The following EPS15L1 variants were observed in gnomAD, a reference collection of about 807,000 sequenced individuals.
The protein encoded by EPS15L1 is epidermal growth factor receptor substrate 15-like 1.
Under a neutral mutation model 117.1 loss-of-function variants are expected in EPS15L1, and 43 were observed. That is an observed-to-expected ratio of 0.37 (90% CI 0.29 to 0.47). The LOEUF (loss-of-function observed/expected upper bound fraction) is 0.47, where lower values mean the gene tolerates loss of function less well. Ranked by LOEUF, EPS15L1 falls within the 20% of genes least tolerant of loss-of-function variation. The pLI is 0.99. For missense variants in EPS15L1, 981 were observed against 1,164.0 expected (o/e 0.84, Z 2.29); for synonymous variants, 459 against 470.5 (o/e 0.98, Z 0.32).
rs569246288 is a variant in EPS15L1 at position 16,432,567 on chromosome 19, C to CAAAT, written c.498+1794_498+1797dup. Among the ~76,000 whole-genome samples the CAAAT allele has an allele frequency of 1.5e-3, 221 of 151,256 alleles. 1 individual carries two copies. Among genetic ancestry groups the CAAAT allele is most frequent in the African/African-American group, 4.7e-3 (193 of 41,226 alleles). On this transcript the variant is annotated intron_variant, in intron 7 of 23. Coordinates refer to ENST00000455140, the MANE Select transcript of EPS15L1 (RefSeq NM_001258374.3). ...TGGGCAACAGAGCGAGACTCTGTCT[C>CAAAT]AAATAAATAAATAAATAAATAAATA...
intron 16 of EPS15L1, chr19:16,402,043 G>A: frequency 4.2e-6 from 5 of 1,189,616 alleles, no homozygotes; most frequent in Non-Finnish European, 5.2e-6. Flanking sequence ...TTGGCCCAAT[G>A]TAAATACTTC....
chr19:16,363,569 T>C (rs1288355743), intron 22 of EPS15L1, among the ~76,000 whole-genome samples: 1 of 152,222 alleles, frequency 6.6e-6, no homozygotes, highest in East Asian at 1.9e-4. Flanking sequence ...GCTCCGGGGC[T>C]ACAGCCCCCA....
chr19:16,386,074 A>G, intron 20 of EPS15L1, 97 bp downstream of exon 20: 1 of 942,220 alleles, frequency 1.1e-6, no homozygotes, highest in South Asian at 1.4e-5. Context: ...ACAAACACAG[A>G]GGCCACGCTG....
Position 16,436,926 on chromosome 19 carries a change from C to T in EPS15L1, c.372+11G>A, listed in dbSNP as rs761226639. ...GGAGAGCCAAGGAGGGAGCTATTCC[C>T]GTTCACTTACCCTCACAGCCCAGTG... On this transcript the variant is annotated intron_variant, in intron 6 of 23. Coordinates refer to ENST00000455140, the MANE Select transcript of EPS15L1 (RefSeq NM_001258374.3). 1.8e-5 allele frequency: 29 copies of T among 1,609,070 alleles called. No individual in the cohort carries two copies. Among genetic ancestry groups the T allele is most frequent in the South Asian group, 9.9e-5 (9 of 90,900 alleles).
At chr19:16,392,192 A>G (rs2092483292) in intron 19 of EPS15L1, 112 bp downstream of exon 19, 4 of 1,218,062 alleles carry the variant, frequency 3.3e-6, no homozygotes, top group African/African-American at 3.0e-5. Context: ...CATGGCCCAC[A>G]CTCGCAGGCA....
At chr19:16,431,766 G>A (rs2092930457) in intron 7 of EPS15L1, among the ~76,000 whole-genome samples, 1 of 152,164 alleles carries the variant, frequency 6.6e-6, no homozygotes, top group Admixed American at 6.5e-5. Context: ...CTGCTGGGAT[G>A]ATTACACATT....
chr19:16,403,632 A>T, intron 15 of EPS15L1, 101 bp downstream of exon 15: 1 of 1,127,224 alleles, frequency 8.9e-7, no homozygotes, highest in Non-Finnish European at 1.3e-6. Flanking sequence ...ACCCTCACGT[A>T]AGTAACAAGG....
chr19:16,396,526 C>T (rs144760922), intron 16 of EPS15L1, among the ~76,000 whole-genome samples: 2,963 of 152,244 alleles, frequency 0.019, 42 homozygotes, highest in Non-Finnish European at 0.033. Flanking sequence ...AGCCTCCCAA[C>T]GTACTGGGAT....
chr19:16,462,660 TCCAC>T, intron 1 of EPS15L1, among the ~76,000 whole-genome samples: 2 of 151,884 alleles, frequency 1.3e-5, no homozygotes, highest in Non-Finnish European at 2.9e-5. Context: ...AAAGCGGGAC[TCCAC>T]CTCAAGAAAA....
At chr19:16,396,358 C>T (rs772989043) in intron 16 of EPS15L1, among the ~76,000 whole-genome samples, 3 of 152,176 alleles carry the variant, frequency 2.0e-5, no homozygotes, top group Non-Finnish European at 4.4e-5. Context: ...ACCATCTGGG[C>T]TCAAGTGATC....
chr19:16,401,308 G>A, intron 16 of EPS15L1: 1 of 985,316 alleles, frequency 1.0e-6, no homozygotes, highest in Non-Finnish European at 1.2e-6. Flanking sequence ...CTGAGGACTT[G>A]GCTGCTGAGA....
chr19:16,368,996 A>G (rs898073592), intron 22 of EPS15L1, among the ~76,000 whole-genome samples: 2 of 152,220 alleles, frequency 1.3e-5, no homozygotes, highest in Non-Finnish European at 2.9e-5. Context: ...CCAGAAAAAA[A>G]GCTTAGCTGC....
intron 1 of EPS15L1, among the ~76,000 whole-genome samples, chr19:16,461,259 G>T (rs2145179146): frequency 1.3e-5 from 2 of 149,868 alleles, no homozygotes; most frequent in Admixed American, 1.3e-4. Context: ...AGCCGAGATT[G>T]CGCCACTGCA....
chr19:16,362,604 G>A (rs892275795), intron 22 of EPS15L1, among the ~76,000 whole-genome samples: 12 of 148,420 alleles, frequency 8.1e-5, no homozygotes, highest in Middle Eastern at 3.5e-3. Context: ...GCTTATTGCG[G>A]CCTTGGCCTC....
Position 16,420,948 on chromosome 19 carries a change from G to A in EPS15L1, c.950+371C>T, listed in dbSNP as rs1432986810. On this transcript the variant is annotated intron_variant, in intron 10 of 23. Transcript: ENST00000455140. ...ACCCTGCCAGGCCACTCTGCTAGAG[G>A]CTCCAAGGCCCTGCTGCCCGCACCT... 2.0e-5 allele frequency among the ~76,000 whole-genome samples: 3 copies of A among 152,210 alleles called. No individual in the cohort carries two copies. In the East Asian group the frequency reaches 5.8e-4, roughly 29 times the overall value.
At chr19:16,406,546 G>A (rs1189024801) in intron 13 of EPS15L1, among the ~76,000 whole-genome samples, 1 of 152,168 alleles carries the variant, frequency 6.6e-6, no homozygotes, top group Non-Finnish European at 1.5e-5. Flanking sequence ...TCTAACCCTG[G>A]CCCCATCACC....
chr19:16,460,729 G>A (rs1246458741), intron 1 of EPS15L1, among the ~76,000 whole-genome samples: 1 of 152,178 alleles, frequency 6.6e-6, no homozygotes, highest in Non-Finnish European at 1.5e-5. Flanking sequence ...TCTCAGCAAA[G>A]AAAAAACTCA....
At chr19:16,380,884 G>A (rs1160766325) in intron 21 of EPS15L1, among the ~76,000 whole-genome samples, 2 of 152,196 alleles carry the variant, frequency 1.3e-5, no homozygotes, top group African/African-American at 4.8e-5. Flanking sequence ...CATCGATCTG[G>A]GCTATTTGCG....
chr19:16,466,505 G>A (rs572864266), intron 1 of EPS15L1, among the ~76,000 whole-genome samples: 3 of 152,194 alleles, frequency 2.0e-5, no homozygotes, highest in Admixed American at 1.3e-4. Context: ...CCCGTGAGGC[G>A]GCACTGCCTT....
Sources: allele counts gnomAD v4.1 joint callset (sites outside exome capture counted in the v4.1 genomes callset), GRCh38; gene constraint gnomAD v4.1.1; transcripts MANE v1.5; gene names NCBI Gene and HGNC (gene_info 2026-07-23, HGNC 2026-07-21).